Variants in NALCN observed in about 807,000 individuals in gnomAD.
NALCN encodes sodium leak channel NALCN.
NALCN carries 111 observed loss-of-function variants against 225.3 expected under a neutral mutation model. The ratio of observed to expected loss-of-function variants is 0.49; its 90% CI spans 0.42 to 0.58. NALCN has a LOEUF of 0.58. Ranked by LOEUF, NALCN falls within the 20% of genes least tolerant of loss-of-function variation. NALCN has a pLI of 0.00. For synonymous variants in NALCN, 764 were observed against 769.0 expected (o/e 0.99, Z 0.11); for missense variants, 1,378 against 2,202.4 (o/e 0.63, Z 7.49).
At chr13:101,298,712 T>A (rs9557608) in intron 7 of NALCN, among the ~76,000 whole-genome samples, 10,727 of 152,296 alleles carry the variant, frequency 0.07, 616 homozygotes, top group East Asian at 0.25. Context: ...ACTAGTGACA[T>A]CTGCAGGTGG....
chr13:101,074,152 C>G (rs760675366), intron 36 of NALCN, among the ~76,000 whole-genome samples: 14 of 151,924 alleles, frequency 9.2e-5, no homozygotes, highest in Admixed American at 2.0e-4. Context: ...GAGAAAGAAA[C>G]CCAGAGTTAT....
At chr13:101,061,342 C>T (rs1364581045) in intron 41 of NALCN, among the ~76,000 whole-genome samples, 1 of 151,588 alleles carries the variant, frequency 6.6e-6, no homozygotes, top group Non-Finnish European at 1.5e-5. Context: ...GAATTTTGAA[C>T]AGTTGAGTTT....
rs1465968648 is a variant in NALCN at position 101,054,584 on chromosome 13, T to C, written c.*711A>G. Reference sequence around the variant, plus strand: ...TCACTCAAGTGATTTATCTACAGGTTTGTTTTAAACCGCTAAGCATCCTGA... The same window carrying C: ...TCACTCAAGTGATTTATCTACAGGTCTGTTTTAAACCGCTAAGCATCCTGA... On this transcript the variant is annotated 3_prime_UTR_variant, in exon 44 of 44. Coordinates refer to ENST00000251127, the MANE Select transcript of NALCN (RefSeq NM_052867.4). The C allele has an allele frequency of 6.6e-6, 1 of 152,220 alleles. No homozygotes were observed. The highest frequency in any genetic ancestry group is 1.5e-5 in the Non-Finnish European group (1 of 68,032). The allele number at this position is 152,220 out of a possible 1,614,324, so 9.4% of individuals were successfully genotyped here.
chr13:101,209,890 CA>C (rs1253995332), intron 13 of NALCN, among the ~76,000 whole-genome samples: 8 of 152,298 alleles, frequency 5.3e-5, no homozygotes, highest in African/African-American at 1.9e-4. Flanking sequence ...GCCAACTTTG[CA>C]GAGTTCTCAC....
At chr13:101,305,859 G>A (rs1566555893) in intron 7 of NALCN, among the ~76,000 whole-genome samples, 3 of 152,270 alleles carry the variant, frequency 2.0e-5, no homozygotes. Context: ...GCCTGGGCCA[G>A]TGCCTGGCAG....
intron 15 of NALCN, among the ~76,000 whole-genome samples, chr13:101,166,813 T>A (rs984004769): frequency 3.9e-5 from 6 of 152,220 alleles, no homozygotes; most frequent in Non-Finnish European, 7.3e-5. Context: ...TCATGAAGCT[T>A]TTGCCTTGTT....
chr13:101,086,160 C>A (rs967237995), intron 30 of NALCN, among the ~76,000 whole-genome samples: 13 of 151,978 alleles, frequency 8.6e-5, no homozygotes, highest in African/African-American at 2.9e-4. Context: ...AGAAGCTATA[C>A]AAGTTTCCTT....
At chr13:101,407,624 T>C (rs890483135) in intron 1 of NALCN, among the ~76,000 whole-genome samples, 2 of 152,166 alleles carry the variant, frequency 1.3e-5, no homozygotes, top group Admixed American at 1.3e-4. Flanking sequence ...TCTGAAGTAG[T>C]TTTTAGTATT....
chr13:101,370,638 G>C (rs2046512629), intron 6 of NALCN, among the ~76,000 whole-genome samples: 1 of 152,180 alleles, frequency 6.6e-6, no homozygotes, highest in South Asian at 2.1e-4. Context: ...GGGAATTAGT[G>C]AATGAGACAG....
intron 6 of NALCN, chr13:101,368,535 T>A (rs948183321): frequency 8.5e-5 from 13 of 152,308 alleles, no homozygotes; most frequent in Admixed American, 4.6e-4. Flanking sequence ...CAGAAAAGTT[T>A]AAAAATTTTC....
At position 101,074,713 on chromosome 13, in the gene NALCN, AC is replaced by A. The variant is rs1406947660; in HGVS notation, c.3955-52del. On this transcript the variant is annotated intron_variant, in intron 35 of 43. Transcript: ENST00000251127. Reference sequence around the variant, plus strand: ...GAGACAGAGAGAGAGAGAGAGAGAGACAGAGACAGAGAGAGAGAGAGAGAGA... The same window carrying A: ...GAGACAGAGAGAGAGAGAGAGAGAGAAGAGACAGAGAGAGAGAGAGAGAGA... 3.0e-6 allele frequency: 4 copies of A among 1,338,442 alleles called. No homozygotes were observed. The East Asian group carries it at 6.9e-5, about 23-fold the overall frequency. 82.9% of individuals were successfully genotyped at this position (1,338,442 alleles called of 1,614,324 possible). A position where few individuals can be genotyped will look rare whatever the true frequency, so the allele number is the denominator to read the frequency against.
intron 10 of NALCN, among the ~76,000 whole-genome samples, chr13:101,282,804 C>T (rs1226363277): frequency 6.6e-6 from 1 of 152,034 alleles, no homozygotes; most frequent in Non-Finnish European, 1.5e-5. Context: ...TTAATCACAC[C>T]TCAATACAAA....
intron 15 of NALCN, among the ~76,000 whole-genome samples, chr13:101,161,060 C>A (rs771361997): frequency 3.2e-4 from 49 of 152,204 alleles, no homozygotes; most frequent in Non-Finnish European, 6.6e-4. Context: ...ACAATCTCAT[C>A]CAGATTTACA....
At chr13:101,311,434 G>A (rs1389903762) in intron 7 of NALCN, among the ~76,000 whole-genome samples, 5 of 139,942 alleles carry the variant, frequency 3.6e-5, no homozygotes, top group African/African-American at 1.1e-4. Context: ...TCCCTGTCTT[G>A]TGCCAGTTTT....
chr13:101,121,979 C>A (rs898199258), intron 18 of NALCN, among the ~76,000 whole-genome samples: 1 of 146,506 alleles, frequency 6.8e-6, no homozygotes, highest in African/African-American at 2.5e-5. Flanking sequence ...AAAAAAAATT[C>A]TTTTTCTCCC....
intron 7 of NALCN, among the ~76,000 whole-genome samples, chr13:101,340,523 G>A (rs867378053): frequency 3.3e-5 from 5 of 152,076 alleles, no homozygotes; most frequent in African/African-American, 9.7e-5. Flanking sequence ...TACGCTACAC[G>A]TACTCTAAGT....
chr13:101,218,126 A>G (rs1266139600), intron 13 of NALCN, among the ~76,000 whole-genome samples: 1 of 143,070 alleles, frequency 7.0e-6, no homozygotes, highest in African/African-American at 2.7e-5. Context: ...AAGGAAAGGG[A>G]TGATAGAAAA....
chr13:101,170,650 G>A (rs1418992940), intron 15 of NALCN, among the ~76,000 whole-genome samples: 1 of 152,148 alleles, frequency 6.6e-6, no homozygotes, highest in African/African-American at 2.4e-5. Context: ...CAATAAGAAA[G>A]GAAAGCTTCT....
intron 1 of NALCN, among the ~76,000 whole-genome samples, chr13:101,401,485 T>C (rs2139517847): frequency 6.6e-6 from 1 of 152,306 alleles, no homozygotes; most frequent in East Asian, 1.9e-4. Flanking sequence ...TAAGGAATTT[T>C]AGAGATCTGT....
Sources: gnomAD v4.1 joint callset for allele counts (sites outside exome capture counted in the v4.1 genomes callset) on GRCh38, gnomAD v4.1.1 for gene constraint, MANE v1.5 for transcripts, NCBI Gene and HGNC (gene_info 2026-07-23, HGNC 2026-07-21) for gene names.